The following KMT2C variants were observed in gnomAD, a reference collection of about 807,000 sequenced individuals.
The protein encoded by KMT2C is histone-lysine N-methyltransferase 2C.
KMT2C carries 88 observed loss-of-function variants against 507.9 expected under a neutral mutation model. The ratio of observed to expected loss-of-function variants is 0.17; its 90% CI spans 0.15 to 0.21. The LOEUF (loss-of-function observed/expected upper bound fraction) is 0.21, where lower values mean the gene tolerates loss of function less well. Ranked by LOEUF, KMT2C falls within the 10% of genes least tolerant of loss-of-function variation. The probability of loss-of-function intolerance (pLI) is 1.00; values close to 1 mark genes in which losing one functional copy is unlikely to be tolerated. For missense variants in KMT2C, 4,954 were observed against 5,957.8 expected (o/e 0.83, Z 5.55); for synonymous variants, 2,049 against 2,080.8 (o/e 0.98, Z 0.42).
intron 6 of KMT2C, among the ~76,000 whole-genome samples, chr7:152,287,364 G>A (rs112199001): frequency 6.6e-6 from 1 of 152,174 alleles, no homozygotes; most frequent in East Asian, 1.9e-4. Context: ...TGCAAGTCCA[G>A]AGTTTTCACT....
chr7:152,256,243 A>C (rs2095659886), intron 9 of KMT2C, among the ~76,000 whole-genome samples: 1 of 152,182 alleles, frequency 6.6e-6, no homozygotes. Context: ...AGTGTAGGGA[A>C]AGGCTTTCTG....
chr7:152,185,740 C>T, intron 33 of KMT2C, 109 bp from the exon 34 acceptor site: 1 of 816,152 alleles, frequency 1.2e-6, no homozygotes, highest in South Asian at 1.5e-5. Flanking sequence ...AGGCCGTATT[C>T]TCATGAGGTC....
intron 16 of KMT2C, among the ~76,000 whole-genome samples, chr7:152,235,399 A>G (rs2095246730): frequency 6.6e-6 from 1 of 152,186 alleles, no homozygotes; most frequent in South Asian, 2.1e-4. Flanking sequence ...ATGACATTTC[A>G]GAATTTTAAA....
intron 38 of KMT2C, among the ~76,000 whole-genome samples, chr7:152,174,956 T>C (rs1013227380): frequency 1.1e-4 from 17 of 152,302 alleles, no homozygotes; most frequent in African/African-American, 1.9e-4. Flanking sequence ...GAAGCTTTAT[T>C]TCCATCATAA....
intron 27 of KMT2C, 65 bp downstream of exon 27, chr7:152,199,214 T>A (rs2094056650): frequency 7.6e-7 from 1 of 1,318,594 alleles, no homozygotes; most frequent in African/African-American, 1.5e-5. Context: ...TTCAAAAAGA[T>A]TTAACTGAAA....
chr7:152,428,252 C>T (rs2097839149), intron 1 of KMT2C, among the ~76,000 whole-genome samples: 1 of 152,012 alleles, frequency 6.6e-6, no homozygotes, highest in Non-Finnish European at 1.5e-5. Flanking sequence ...ACCTAGCCTA[C>T]AAAGTATAGG....
chr7:152,430,037 G>A (rs578224633), intron 1 of KMT2C, among the ~76,000 whole-genome samples: 2 of 143,966 alleles, frequency 1.4e-5, no homozygotes, highest in African/African-American at 2.5e-5. Context: ...AATTAGCTGG[G>A]TGTGGTGGCA....
At chr7:152,361,520 A>AG (rs1208281750) in intron 1 of KMT2C, among the ~76,000 whole-genome samples, 15 of 151,736 alleles carry the variant, frequency 9.9e-5, no homozygotes, top group Non-Finnish European at 1.2e-4. Context: ...CTGAGATCAC[A>AG]CCATTGCACT....
At chr7:152,431,186 T>C (rs992561397) in intron 1 of KMT2C, among the ~76,000 whole-genome samples, 3 of 152,218 alleles carry the variant, frequency 2.0e-5, no homozygotes, top group Non-Finnish European at 4.4e-5. Context: ...GTTTACATAT[T>C]AGTAACCAAT....
rs746947629 is a variant in KMT2C, at chr7:152,145,253, C to A, written c.14074G>T (p.Gly4692Cys). 1.9e-6 allele frequency: 3 copies of A among 1,614,122 alleles called. No homozygotes were observed. The highest frequency in any genetic ancestry group is 3.3e-4 in the Middle Eastern group (2 of 6,062). ...GGAAGTTCCATGAGAGGATTTCGGC[C>A]GTATCGGAAGGTATAATTTTCACAT... ...EACENYTFRY[G>C]RNPLMELPLA... The change falls in exon 54 of 59, where the codon GGC becomes TGC. Residue 4692 changes from glycine to cysteine, a missense_variant. Gly to Cys is a radical substitution (Grantham distance 159). This residue lies in a region of KMT2C where 221 missense variants were observed against 304.7 expected (regional missense o/e 0.73). Coordinates refer to ENST00000262189, the MANE Select transcript of KMT2C (RefSeq NM_170606.3).
At chr7:152,414,153 T>G (rs1186824431) in intron 1 of KMT2C, among the ~76,000 whole-genome samples, 1 of 149,288 alleles carries the variant, frequency 6.7e-6, no homozygotes, top group East Asian at 2.0e-4. Context: ...GAGGTTGCAG[T>G]GAGCTAATAC....
At chr7:152,399,175 AGCT>A (rs1173227030) in intron 1 of KMT2C, among the ~76,000 whole-genome samples, 1 of 152,158 alleles carries the variant, frequency 6.6e-6, no homozygotes. Flanking sequence ...CACCACTTAA[AGCT>A]GCTATTATAT....
At chr7:152,408,566 C>T (rs142671847) in intron 1 of KMT2C, among the ~76,000 whole-genome samples, 3 of 152,016 alleles carry the variant, frequency 2.0e-5, no homozygotes, top group Admixed American at 6.5e-5. Flanking sequence ...AGATCAGCAG[C>T]GGCATTAGAT....
At chr7:152,264,946 CAA>C in intron 8 of KMT2C, 90 bp downstream of exon 8, 1 of 1,417,734 alleles carries the variant, frequency 7.1e-7, no homozygotes, top group Non-Finnish European at 9.3e-7. Context: ...AAAATATGAA[CAA>C]CCTCTATTAT....
intron 4 of KMT2C, among the ~76,000 whole-genome samples, chr7:152,314,855 G>A (rs1183171514): frequency 6.6e-6 from 1 of 152,074 alleles, no homozygotes; most frequent in Non-Finnish European, 1.5e-5. Context: ...CTCAGCTTGT[G>A]TTATGTTCTT....
chr7:152,334,283 T>C (rs889074310), intron 2 of KMT2C, among the ~76,000 whole-genome samples: 2 of 151,966 alleles, frequency 1.3e-5, no homozygotes, highest in Non-Finnish European at 2.9e-5. Context: ...AGAAACCCCA[T>C]CTCTACTAAA....
At chr7:152,363,547 G>T (rs1295865484) in intron 1 of KMT2C, among the ~76,000 whole-genome samples, 4 of 152,058 alleles carry the variant, frequency 2.6e-5, no homozygotes, top group Non-Finnish European at 5.9e-5. Flanking sequence ...TAAGACACTG[G>T]GCAACAGGTA....
intron 25 of KMT2C, among the ~76,000 whole-genome samples, chr7:152,203,909 T>C (rs1050100469): frequency 2.6e-5 from 4 of 152,126 alleles, no homozygotes; most frequent in African/African-American, 9.6e-5. Context: ...ACCACAGAAG[T>C]AAGCAAAAAA....
chr7:152,358,754 G>A (rs2097172755), intron 1 of KMT2C, 79 bp from the exon 2 acceptor site: 3 of 893,116 alleles, frequency 3.4e-6, no homozygotes, highest in South Asian at 1.6e-5. Flanking sequence ...TCAACATAAG[G>A]CACAATTTGA....
Sources: allele counts gnomAD v4.1 joint callset (sites outside exome capture counted in the v4.1 genomes callset), GRCh38; gene constraint gnomAD v4.1.1; regional missense constraint gnomAD v4.1.1; transcripts MANE v1.5; gene names NCBI Gene and HGNC (gene_info 2026-07-23, HGNC 2026-07-21).